The following BRAF variants were observed in gnomAD, a reference collection of about 807,000 sequenced individuals.
BRAF encodes serine/threonine-protein kinase B-raf.
A neutral mutation model predicts 104.6 loss-of-function variants in BRAF; 16 were observed. That is an observed-to-expected ratio of 0.15 (90% CI 0.10 to 0.23). The LOEUF is 0.23. BRAF is among the 10% of genes least tolerant of loss of function. The pLI is 1.00. For synonymous variants in BRAF, 310 were observed against 341.6 expected, an observed-to-expected ratio of 0.91 and a Z score of 1.02; for missense variants, 541 against 937.3, an observed-to-expected ratio of 0.58 and a Z score of 5.52.
At chr7:140,815,933 AT>A (rs1165453113) in intron 3 of BRAF, among the ~76,000 whole-genome samples, 2 of 152,152 alleles carry the variant, frequency 1.3e-5, no homozygotes, top group East Asian at 1.9e-4. Flanking sequence ...TAAAGGTGAC[AT>A]TTTTTACTGC....
chr7:140,906,897 G>A (rs1389214845), intron 1 of BRAF, among the ~76,000 whole-genome samples: 1 of 152,144 alleles, frequency 6.6e-6, no homozygotes, highest in Non-Finnish European at 1.5e-5. Context: ...TCTGGGTGTA[G>A]ATTTCTATTT....
intron 1 of BRAF, among the ~76,000 whole-genome samples, chr7:140,861,835 T>C (rs1347658428): frequency 6.6e-6 from 1 of 152,188 alleles, no homozygotes; most frequent in African/African-American, 2.4e-5. Context: ...CACTTTACTA[T>C]ATACTTGAAG....
intron 1 of BRAF, among the ~76,000 whole-genome samples, chr7:140,917,217 T>C (rs1165401408): frequency 1.3e-5 from 2 of 152,150 alleles, no homozygotes; most frequent in Non-Finnish European, 2.9e-5. Context: ...CCCACCACCA[T>C]GCTCGGCTAA....
At chr7:140,826,842 T>C (rs960843140) in intron 3 of BRAF, among the ~76,000 whole-genome samples, 2 of 152,226 alleles carry the variant, frequency 1.3e-5, no homozygotes, top group African/African-American at 4.8e-5. Flanking sequence ...TAACAATATG[T>C]AGTATTCAAT....
chr7:140,804,450 C>T (rs1803456503), intron 5 of BRAF, among the ~76,000 whole-genome samples: 1 of 150,460 alleles, frequency 6.6e-6, no homozygotes, highest in South Asian at 2.1e-4. Flanking sequence ...TGTAATTATA[C>T]AATTTCCACT....
downstream of BRAF, among the ~76,000 whole-genome samples, chr7:140,714,754 A>C (rs1413730585): frequency 6.6e-6 from 1 of 152,188 alleles, no homozygotes; most frequent in African/African-American, 2.4e-5. Flanking sequence ...CTTATTAGAA[A>C]GGGTAGACAG....
intron 8 of BRAF, among the ~76,000 whole-genome samples, chr7:140,789,771 C>T (rs1409355621): frequency 6.6e-6 from 1 of 152,234 alleles, no homozygotes; most frequent in African/African-American, 2.4e-5. Flanking sequence ...GCTCTTGTCA[C>T]CCAGGCTGGA....
At chr7:140,780,119 A>C (rs73165462) in intron 12 of BRAF, among the ~76,000 whole-genome samples, 8,901 of 152,238 alleles carry the variant, frequency 0.058, 506 homozygotes, top group South Asian at 0.19. Context: ...GGTATAAAAA[A>C]ATTCCCTTAA....
intron 14 of BRAF, among the ~76,000 whole-genome samples, chr7:140,767,707 T>C (rs1290408352): frequency 1.3e-5 from 2 of 152,132 alleles, no homozygotes; most frequent in African/African-American, 2.4e-5. Context: ...ACTGAATAAG[T>C]TGGGGAAGCA....
chr7:140,724,196 A>G lies in BRAF; in HGVS notation c.*2298T>C, dbSNP rs567010213. On this transcript the variant is annotated 3_prime_UTR_variant, in exon 20 of 20. Coordinates refer to ENST00000644969, the MANE Select transcript of BRAF (RefSeq NM_001374258.1). Reference sequence around the variant, plus strand: ...AATGCTAAGCTTCCTCCCTAATGGTACCGCCCCTGCCCCTGCCCCACGGAG... The same window carrying G: ...AATGCTAAGCTTCCTCCCTAATGGTGCCGCCCCTGCCCCTGCCCCACGGAG... The G allele has an allele frequency of 2.6e-5, 27 of 1,056,422 alleles. No individual in the cohort carries two copies. Among genetic ancestry groups the G allele is most frequent in the Non-Finnish European group, 3.1e-5 (27 of 873,888 alleles). The allele number at this position is 1,056,422 out of a possible 1,614,324, so 65.4% of individuals were successfully genotyped here. A position where few individuals can be genotyped will look rare whatever the true frequency, so the allele number is the denominator to read the frequency against.
At chr7:140,801,764 T>C (rs1483668719) in intron 5 of BRAF, among the ~76,000 whole-genome samples, 1 of 152,118 alleles carries the variant, frequency 6.6e-6, no homozygotes, top group Non-Finnish European at 1.5e-5. Flanking sequence ...CCCCACTATC[T>C]AACTTAAAAA....
intron 15 of BRAF, 43 bp downstream of exon 14, chr7:140,754,144 C>T (rs762308238): frequency 6.3e-7 from 1 of 1,576,332 alleles, no homozygotes; most frequent in Non-Finnish European, 8.7e-7. Flanking sequence ...AAGAAAAAGT[C>T]AGGATGTTTT....
intron 1 of BRAF, among the ~76,000 whole-genome samples, chr7:140,850,713 T>C (rs755818000): frequency 7.2e-5 from 11 of 152,210 alleles, no homozygotes; most frequent in Non-Finnish European, 1.2e-4. Flanking sequence ...AATGGTTATA[T>C]AGCATTCATT....
chr7:140,789,639 A>C (rs1248189802), intron 8 of BRAF, among the ~76,000 whole-genome samples: 1 of 152,246 alleles, frequency 6.6e-6, no homozygotes, highest in Non-Finnish European at 1.5e-5. Context: ...ATTGGAAGTA[A>C]GTGAAAATCA....
chr7:140,787,118 G>A (rs1020026171), intron 9 of BRAF, among the ~76,000 whole-genome samples: 10 of 151,684 alleles, frequency 6.6e-5, no homozygotes, highest in African/African-American at 2.4e-4. Flanking sequence ...TGGCTAACAC[G>A]GTGAAACCCC....
At chr7:140,915,260 A>C (rs1299787711) in intron 1 of BRAF, among the ~76,000 whole-genome samples, 1 of 152,106 alleles carries the variant, frequency 6.6e-6, no homozygotes, top group Non-Finnish European at 1.5e-5. Flanking sequence ...ACTGTTTAAA[A>C]TATGCCAAAA....
chr7:140,835,174 T>C, intron 2 of BRAF: 1 of 327,044 alleles, frequency 3.1e-6, no homozygotes, highest in Non-Finnish European at 5.7e-6. Flanking sequence ...GGTCCACTTA[T>C]ATTTACCTTC....
At position 140,923,416 on chromosome 7, in the gene BRAF, TA is replaced by T. The variant is rs537704926; in HGVS notation, c.138+1149del. Among the ~76,000 whole-genome samples, 7 of 151,990 alleles carry T rather than the reference TA, an allele frequency of 4.6e-5. No homozygotes were observed. The East Asian group carries it at 9.7e-4, about 21-fold the overall frequency. ...AATATTTGTAATAAATTTTATGTAA[TA>T]AAAAAACGTAAATAATTTGACACAG... On this transcript the variant is annotated intron_variant, in intron 1 of 19. Transcript: ENST00000644969.
intron 3 of BRAF, among the ~76,000 whole-genome samples, chr7:140,811,333 A>G (rs1050615124): frequency 6.6e-6 from 1 of 152,174 alleles, no homozygotes; most frequent in Non-Finnish European, 1.5e-5. Flanking sequence ...TCCTTAAAGC[A>G]TACTGTCCAG....
Sources: allele counts gnomAD v4.1 joint callset (sites outside exome capture counted in the v4.1 genomes callset), GRCh38; gene constraint gnomAD v4.1.1; transcripts MANE v1.5; gene names NCBI Gene and HGNC (gene_info 2026-07-23, HGNC 2026-07-21).